The following IFT88 variants were observed in gnomAD, a reference collection of about 807,000 sequenced individuals.
IFT88 encodes the protein intraflagellar transport 88.
A neutral mutation model predicts 119.5 loss-of-function variants in IFT88; 74 were observed. The observed-to-expected ratio is 0.62, with a 90% CI of 0.51 to 0.75. IFT88 has a LOEUF of 0.75. Among genes scored for constraint, IFT88 ranks in the 30% least tolerant of loss-of-function variants. IFT88 has a pLI of 0.00. For missense variants in IFT88, 961 were observed against 977.7 expected, an observed-to-expected ratio of 0.98 and a Z score of 0.23; for synonymous variants, 279 against 316.7, an observed-to-expected ratio of 0.88 and a Z score of 1.26.
intron 15 of IFT88, among the ~76,000 whole-genome samples, chr13:20,629,320 T>G (rs1253599984): frequency 6.6e-6 from 1 of 152,190 alleles, no homozygotes; most frequent in East Asian, 1.9e-4. Flanking sequence ...GTAGTTTCTA[T>G]AGGATAAGCA....
At chr13:20,614,886 G>A (rs1032268407) in intron 13 of IFT88, among the ~76,000 whole-genome samples, 3 of 143,842 alleles carry the variant, frequency 2.1e-5, no homozygotes, top group East Asian at 2.1e-4. Context: ...CCCGATCTCC[G>A]CTCACCGCAA....
chr13:20,647,784 T>C (rs2050968381), intron 20 of IFT88, among the ~76,000 whole-genome samples: 1 of 152,152 alleles, frequency 6.6e-6, no homozygotes, highest in African/African-American at 2.4e-5. Context: ...GAGAGACTAT[T>C]TGAAGAAATT....
At chr13:20,575,901 G>A (rs967558596) in intron 2 of IFT88, among the ~76,000 whole-genome samples, 4 of 152,186 alleles carry the variant, frequency 2.6e-5, no homozygotes, top group Non-Finnish European at 5.9e-5. Flanking sequence ...GGGATTGTTG[G>A]ATCATATGAT....
chr13:20,625,063 C>T (rs928114001), intron 14 of IFT88, among the ~76,000 whole-genome samples: 34 of 152,160 alleles, frequency 2.2e-4, no homozygotes, highest in Admixed American at 2.2e-3. Context: ...CCTATCTCTT[C>T]TGTTATTGAA....
intron 14 of IFT88, among the ~76,000 whole-genome samples, chr13:20,617,619 C>T (rs1042270336): frequency 2.0e-5 from 3 of 152,032 alleles, no homozygotes; most frequent in African/African-American, 7.3e-5. Context: ...CCAGAGAGGC[C>T]CTTTCTGCTA....
At chr13:20,603,644 C>G (rs892288984) in intron 12 of IFT88, among the ~76,000 whole-genome samples, 17 of 152,206 alleles carry the variant, frequency 1.1e-4, no homozygotes, top group Middle Eastern at 3.4e-3. Context: ...ACCTGTAATC[C>G]CAGCACTTTG....
Position 20,643,386 on chromosome 13 carries a change from TG to T in IFT88, c.1683-68del, listed in dbSNP as rs527808020. On this transcript the variant is annotated intron_variant, in intron 18 of 25. Coordinates refer to ENST00000351808, the MANE Select transcript of IFT88 (RefSeq NM_006531.5). The stretch of plus-strand genomic sequence containing the variant: ...AGGCTAAGAAATATTGTTACTGTAA[TG>T]TTTTTTAAGTTTGCTTATTGCTTAA... 1.8e-3 allele frequency: 2,204 copies of T among 1,191,550 alleles called. 2 individuals carry two copies. The highest frequency in any genetic ancestry group is 2.4e-3 in the Non-Finnish European group (1,963 of 834,354). 73.8% of individuals were successfully genotyped at this position (1,191,550 alleles called of 1,614,324 possible).
intron 13 of IFT88, 24 bp from the exon 14 acceptor site, chr13:20,615,768 CA>C (rs777948613): frequency 7.2e-7 from 1 of 1,395,172 alleles, no homozygotes; most frequent in East Asian, 2.3e-5. Flanking sequence ...TCTCTAAATA[CA>C]ACTTTTTGGT....
At chr13:20,633,618 G>T (rs566361554) in intron 16 of IFT88, among the ~76,000 whole-genome samples, 1 of 152,144 alleles carries the variant, frequency 6.6e-6, no homozygotes, top group Non-Finnish European at 1.5e-5. Context: ...CAAGTTTGAC[G>T]ACTGTGCAGG....
chr13:20,663,425 TC>T lies in IFT88; in HGVS notation c.2069-72del, dbSNP rs1566407347. The T allele has an allele frequency of 1.4e-5, 22 of 1,578,176 alleles. No individual in the cohort carries two copies. The South Asian group carries it at 2.4e-4, about 17-fold the overall frequency. On this transcript the variant is annotated intron_variant, in intron 22 of 25. Coordinates refer to ENST00000351808, the MANE Select transcript of IFT88 (RefSeq NM_006531.5). ...CTACCTGTATCCCAAAAGACTGAGT[TC>T]ACTGATTTATTGAGCTTTTAACAAA...
intron 24 of IFT88, among the ~76,000 whole-genome samples, chr13:20,671,753 A>G (rs1274315727): frequency 1.3e-5 from 2 of 152,216 alleles, no homozygotes. Context: ...TTAAAAATAA[A>G]TGTCGAATTG....
At chr13:20,602,611 G>A (rs980399714) in intron 12 of IFT88, among the ~76,000 whole-genome samples, 1 of 152,198 alleles carries the variant, frequency 6.6e-6, no homozygotes, top group Non-Finnish European at 1.5e-5. Context: ...AAGGCTGGGC[G>A]CAGTGGCTCA....
intron 4 of IFT88, among the ~76,000 whole-genome samples, chr13:20,590,129 T>C (rs933376688): frequency 6.6e-6 from 1 of 152,304 alleles, no homozygotes; most frequent in Admixed American, 6.5e-5. Context: ...ATTTTCTACA[T>C]GATACAACCA....
chr13:20,621,608 T>C (rs188291101), intron 14 of IFT88, among the ~76,000 whole-genome samples: 50 of 151,928 alleles, frequency 3.3e-4, no homozygotes, highest in Non-Finnish European at 1.2e-4. Flanking sequence ...TAGAACAGTT[T>C]TAGTTTCTTA....
At chr13:20,618,538 A>G (rs2045995947) in intron 14 of IFT88, among the ~76,000 whole-genome samples, 1 of 152,166 alleles carries the variant, frequency 6.6e-6, no homozygotes, top group Admixed American at 6.5e-5. Flanking sequence ...AGTATTTATA[A>G]AGCCGCCTAG....
intron 4 of IFT88, among the ~76,000 whole-genome samples, 167 bp from the exon 5 acceptor site, chr13:20,590,800 C>G (rs185053130): frequency 1.1e-4 from 17 of 152,226 alleles, no homozygotes; most frequent in Non-Finnish European, 1.9e-4. Context: ...GTTTGCTGCT[C>G]CCTGTTTTAT....
At position 20,602,703 on chromosome 13, in the gene IFT88, C is replaced by T. The variant is rs1014818086; in HGVS notation, c.1041+770C>T. 5.9e-5 allele frequency among the ~76,000 whole-genome samples: 9 copies of T among 152,050 alleles called. No homozygotes were observed. The South Asian group carries it at 1.2e-3, about 21-fold the overall frequency. ...TTTGAGACCAGCCTGACCAACAGGG[C>T]GAAATGCTGTCTCTACCGAAAATAC... On this transcript the variant is annotated intron_variant, in intron 12 of 25. Coordinates refer to ENST00000351808, the MANE Select transcript of IFT88 (RefSeq NM_006531.5).
chr13:20,575,597 A>G lies in IFT88; in HGVS notation c.90+1122A>G, dbSNP rs570030117. Among the ~76,000 whole-genome samples the G allele has an allele frequency of 2.8e-4, 42 of 152,234 alleles. 1 individual carries two copies. Among genetic ancestry groups the G allele is most frequent in the African/African-American group, 8.9e-4 (37 of 41,546 alleles). On this transcript the variant is annotated intron_variant, in intron 2 of 25. Transcript: ENST00000351808. Reference sequence around the variant, plus strand: ...ATCTTCTTGGTGCCATCCTCACCCCATGTGATGTGACTGCTCCCATTTTGC... The same window carrying G: ...ATCTTCTTGGTGCCATCCTCACCCCGTGTGATGTGACTGCTCCCATTTTGC...
intron 18 of IFT88, 74 bp from the exon 19 acceptor site, chr13:20,643,381 T>A: frequency 2.7e-6 from 3 of 1,121,164 alleles, no homozygotes; most frequent in Non-Finnish European, 3.9e-6. Flanking sequence ...ATATTGTTAC[T>A]GTAATGTTTT....
Sources: gnomAD v4.1 joint callset for allele counts (sites outside exome capture counted in the v4.1 genomes callset) on GRCh38, gnomAD v4.1.1 for gene constraint, MANE v1.5 for transcripts, NCBI Gene and HGNC (gene_info 2026-07-23, HGNC 2026-07-21) for gene names.